The following UNC13B variants were observed in gnomAD, a reference collection of about 807,000 sequenced individuals.
UNC13B encodes unc-13 homolog B.
In UNC13B, 144 loss-of-function variants were observed where a neutral mutation model predicts 211.0. The ratio of observed to expected loss-of-function variants is 0.68; its 90% CI spans 0.60 to 0.78. UNC13B has a LOEUF of 0.78. UNC13B is among the 30% of genes least tolerant of loss of function. The pLI, the probability that UNC13B is intolerant of heterozygous loss-of-function variation, is 0.00. For synonymous variants in UNC13B, 709 were observed against 725.8 expected (o/e 0.98, Z 0.37); for missense variants, 1,777 against 2,002.0 (o/e 0.89, Z 2.14).
At position 35,403,160 on chromosome 9, in the gene UNC13B, C is replaced by A; in HGVS notation, c.12485-7C>A. On this transcript the variant is annotated splice_polypyrimidine_tract_variant and splice_region_variant and intron_variant, in intron 37 of 39. Coordinates refer to ENST00000635942, the MANE Select transcript of UNC13B (RefSeq NM_001371189.2). ...AATGGGGAATCATCTCTCCATTTGT[C>A]CCTCAGGGTCTGGTGTGGACGATCC... 6.2e-7 allele frequency: 1 copy of A among 1,613,698 alleles called. No individual in the cohort carries two copies. The highest frequency in any genetic ancestry group is 1.1e-5 in the South Asian group (1 of 91,014).
intron 12 of UNC13B, among the ~76,000 whole-genome samples, 162 bp from the exon 13 acceptor site, chr9:35,370,156 A>G (rs1387700538): frequency 6.6e-6 from 1 of 152,154 alleles, no homozygotes; most frequent in African/African-American, 2.4e-5. Context: ...CCATGACTTT[A>G]TTTCCCTGAC....
In UNC13B at chr9:35,308,422, TAACTC is replaced by T. The variant is rs748099424; in HGVS notation, c.9008+13_9008+17del. The T allele has an allele frequency of 8.6e-4, 343 of 398,922 alleles. No individual in the cohort carries two copies. Among genetic ancestry groups the T allele is most frequent in the Non-Finnish European group, 1.2e-3 (271 of 226,036 alleles). 24.7% of individuals were successfully genotyped at this position (398,922 alleles called of 1,614,324 possible). On this transcript the variant is annotated intron_variant, in intron 9 of 39. Coordinates refer to ENST00000635942, the MANE Select transcript of UNC13B (RefSeq NM_001371189.2). ...CCATGACCAACAAAAGGCCTGTTCT[TAACTC>T]AAGCATCATAAATGGCTTTAAGGAA...
At chr9:35,276,789 A>C (rs1828203012) in intron 7 of UNC13B, among the ~76,000 whole-genome samples, 4 of 152,192 alleles carry the variant, frequency 2.6e-5, no homozygotes, top group Admixed American at 2.6e-4. Flanking sequence ...TTTATTTTTA[A>C]AAAATGAGTC....
intron 6 of UNC13B, among the ~76,000 whole-genome samples, chr9:35,252,294 A>G (rs1016002968): frequency 4.6e-5 from 6 of 131,746 alleles, no homozygotes; most frequent in Admixed American, 1.6e-4. Flanking sequence ...AATAATGACT[A>G]TTTTATTAGA....
intron 1 of UNC13B, among the ~76,000 whole-genome samples, chr9:35,209,133 C>T (rs1270962718): frequency 3.3e-5 from 5 of 152,110 alleles, no homozygotes; most frequent in Admixed American, 2.0e-4. Context: ...GGCACAATCA[C>T]GGCTCACTGC....
intron 1 of UNC13B, among the ~76,000 whole-genome samples, chr9:35,189,807 T>C (rs149615633): frequency 0.02 from 3,043 of 152,228 alleles, 99 homozygotes; most frequent in African/African-American, 0.07. Flanking sequence ...GTAGCTGGGA[T>C]TACAAGCATG....
At chr9:35,268,871 G>A (rs1827722300) in intron 7 of UNC13B, among the ~76,000 whole-genome samples, 1 of 152,148 alleles carries the variant, frequency 6.6e-6, no homozygotes. Context: ...ATTAGTTTTA[G>A]GATGTATTAT....
chr9:35,285,025 G>A, intron 7 of UNC13B, among the ~76,000 whole-genome samples: 1 of 152,186 alleles, frequency 6.6e-6, no homozygotes, highest in East Asian at 1.9e-4. Flanking sequence ...GATAAAATGT[G>A]CAGAAGAAGC....
rs1836446853 is a variant in UNC13B, at chr9:35,403,262, G to C, written c.12577+3G>C. On this transcript the variant is annotated splice_donor_region_variant and intron_variant, in intron 38 of 39. Coordinates refer to ENST00000635942, the MANE Select transcript of UNC13B (RefSeq NM_001371189.2). ...GGAGCACAAGGTCACAGTGAAAGGT[G>C]AGTGATGGACTTACAGGTCTGCCCT... is the stretch of plus-strand genomic sequence containing the variant. 3 of 1,614,108 alleles carry C rather than the reference G, an allele frequency of 1.9e-6. No individual in the cohort carries two copies. The East Asian group carries it at 6.7e-5, about 36-fold the overall frequency.
Position 35,382,341 on chromosome 9 carries a change from G to T in UNC13B, c.10656-16G>T, listed in dbSNP as rs764479861. On this transcript the variant is annotated splice_polypyrimidine_tract_variant and intron_variant, in intron 20 of 39. Coordinates refer to ENST00000635942, the MANE Select transcript of UNC13B (RefSeq NM_001371189.2). ...CCCTGAAGAGTCTTTGAGGCTGCGGGTGCTGTGTTTTTCAGGCACTTTGCA... is the reference window on the plus strand; with the variant it reads ...CCCTGAAGAGTCTTTGAGGCTGCGGTTGCTGTGTTTTTCAGGCACTTTGCA... The T allele has an allele frequency of 1.5e-5, 24 of 1,607,868 alleles. No individual in the cohort carries two copies. In the Admixed American group the frequency reaches 3.2e-4, roughly 22 times the overall value.
intron 1 of UNC13B, among the ~76,000 whole-genome samples, chr9:35,219,899 G>A (rs968286146): frequency 6.6e-6 from 1 of 152,054 alleles, no homozygotes; most frequent in Non-Finnish European, 1.5e-5. Context: ...GTGTGCATAT[G>A]TCTATTTGTC....
chr9:35,377,750 TG>T (rs1368842415), intron 16 of UNC13B, 55 bp downstream of exon 16: 1 of 1,560,278 alleles, frequency 6.4e-7, no homozygotes, highest in African/African-American at 1.4e-5. Context: ...GGGAGGAGAC[TG>T]GGGAAGAAAC....
At chr9:35,186,941 A>G (rs1822394069) in intron 1 of UNC13B, among the ~76,000 whole-genome samples, 1 of 152,014 alleles carries the variant, frequency 6.6e-6, no homozygotes, top group Non-Finnish European at 1.5e-5. Context: ...ATATTACCAA[A>G]CCCAATAAGA....
intron 1 of UNC13B, among the ~76,000 whole-genome samples, chr9:35,210,065 C>G (rs895506967): frequency 6.6e-6 from 1 of 152,002 alleles, no homozygotes; most frequent in Admixed American, 6.6e-5. Flanking sequence ...CAAAATAATA[C>G]CCAGTTACTA....
chr9:35,308,435 AT>A, intron 9 of UNC13B, 23 bp downstream of exon 9: 1 of 398,854 alleles, frequency 2.5e-6, no homozygotes. Context: ...CTCAAGCATC[AT>A]AAATGGCTTT....
In UNC13B at chr9:35,310,627, G is replaced by A; in HGVS notation, c.9169G>A (p.Ala3057Thr). ...TCACAGCCTGTCCAGAGATGGCCAA[G>A]CAGGTTTTGGAGAACAAGAGAAACC... is the stretch of plus-strand genomic sequence containing the variant. ...SSHSLSRDGQ[A>T]GFGEQEKPLE... is the part of the protein sequence containing the mutation. The change falls in exon 10 of 40, where the codon GCA becomes ACA. Residue 3057 changes from alanine (A) to threonine (T), a missense_variant. Ala to Thr is a moderately conservative substitution (Grantham distance 58, BLOSUM62 0). Transcript: ENST00000635942. 6.2e-7 allele frequency: 1 copy of A among 1,613,996 alleles called. No individual in the cohort carries two copies. The highest frequency in any genetic ancestry group is 8.5e-7 in the Non-Finnish European group (1 of 1,179,994).
At chr9:35,289,761 G>A (rs1419628839) in intron 7 of UNC13B, among the ~76,000 whole-genome samples, 2 of 152,152 alleles carry the variant, frequency 1.3e-5, no homozygotes, top group Non-Finnish European at 2.9e-5. Context: ...TGGATCACTG[G>A]AGGTTAGGAG....
chr9:35,251,671 A>T (rs546756081), intron 6 of UNC13B, among the ~76,000 whole-genome samples: 168 of 151,462 alleles, frequency 1.1e-3, no homozygotes, highest in African/African-American at 3.3e-3. Flanking sequence ...ACTTTTTTTT[A>T]AAAAAAAACC....
Position 35,305,485 on chromosome 9 carries a change from T to G in UNC13B, c.6081T>G (p.Ala2027=). Residue 2027 remains alanine, a synonymous_variant, in exon 9 of 40, where the codon GCT becomes GCG. Transcript: ENST00000635942. ...CTATGGAGCTAGCTAGCCAGGGTGCTGGGAACTTTCCTGCTGCACCAATTT... is the reference window on the plus strand; with the variant it reads ...CTATGGAGCTAGCTAGCCAGGGTGCGGGGAACTTTCCTGCTGCACCAATTT... ...PTPMELASQG[A]GNFPAAPISS... is the part of the protein sequence containing the mutation. 1 of 399,018 alleles carries G rather than the reference T, an allele frequency of 2.5e-6. No individual in the cohort carries two copies. Among genetic ancestry groups the G allele is most frequent in the Non-Finnish European group, 4.4e-6 (1 of 226,036 alleles). The allele number at this position is 399,018 out of a possible 1,614,324, so 24.7% of individuals were successfully genotyped here.
Sources: gnomAD v4.1 joint callset for allele counts (sites outside exome capture counted in the v4.1 genomes callset) on GRCh38, gnomAD v4.1.1 for gene constraint, MANE v1.5 for transcripts, NCBI Gene and HGNC (gene_info 2026-07-23, HGNC 2026-07-21) for gene names.